ZFAND3: variants seen among roughly 807,000 people sequenced by gnomAD.
The protein encoded by ZFAND3 is zinc finger AN1-type containing 3.
Under a neutral mutation model 29.6 loss-of-function variants are expected in ZFAND3, and 10 were observed. The ratio of observed to expected loss-of-function variants is 0.34; its 90% CI spans 0.21 to 0.57. ZFAND3 has a LOEUF of 0.57. ZFAND3 is among the 20% of genes least tolerant of loss of function. The pLI, the probability that ZFAND3 is intolerant of heterozygous loss-of-function variation, is 0.86. For synonymous variants in ZFAND3, 128 were observed against 112.6 expected (o/e 1.14, Z -0.87); for missense variants, 230 against 304.5 (o/e 0.76, Z 1.82).
rs1765539911 is a variant in ZFAND3, at chr6:37,912,396, G to T, written c.72-17563G>T. ...AATACCTGATGGTTCAGGAAAGTTG[G>T]CGAATATACATATGGCATTTAGCTG... On this transcript the variant is annotated intron_variant, in intron 1 of 5. Coordinates refer to ENST00000287218, the MANE Select transcript of ZFAND3 (RefSeq NM_021943.3). Among the ~76,000 whole-genome samples the T allele has an allele frequency of 3.3e-5, 5 of 152,256 alleles. No homozygotes were observed. In the South Asian group the frequency reaches 1.0e-3, roughly 32 times the overall value.
chr6:38,144,231 A>ATATATATATAATATATATAT (rs1365246829), intron 5 of ZFAND3, among the ~76,000 whole-genome samples: 1 of 75,256 alleles, frequency 1.3e-5, no homozygotes, highest in African/African-American at 4.3e-5. Flanking sequence ...ATATATATAT[A>ATATATATATAATATATATAT]TTTTTTTTTT....
chr6:37,930,042 TTTC>T (rs1761565390), intron 2 of ZFAND3, 43 bp downstream of exon 2: 14 of 1,537,056 alleles, frequency 9.1e-6, no homozygotes, highest in Non-Finnish European at 1.2e-5. Context: ...TTCATTTTTC[TTTC>T]TTTTTTTTTT....
intron 1 of ZFAND3, among the ~76,000 whole-genome samples, chr6:37,856,348 T>C (rs891205314): frequency 1.3e-5 from 2 of 152,242 alleles, no homozygotes; most frequent in Non-Finnish European, 2.9e-5. Context: ...CCTGACTTCA[T>C]GTAGAAGCAT....
chr6:37,990,241 C>T (rs905185353), intron 2 of ZFAND3, among the ~76,000 whole-genome samples: 12 of 152,084 alleles, frequency 7.9e-5, no homozygotes, highest in African/African-American at 1.7e-4. Context: ...GAATCACTGG[C>T]CTAGGGGTTC....
At chr6:37,928,681 AT>A (rs1364987290) in intron 1 of ZFAND3, among the ~76,000 whole-genome samples, 1 of 151,574 alleles carries the variant, frequency 6.6e-6, no homozygotes, top group African/African-American at 2.4e-5. Flanking sequence ...CTCCCAGCTA[AT>A]TTTTTCTATT....
At chr6:37,895,568 A>G (rs1048923968) in intron 1 of ZFAND3, among the ~76,000 whole-genome samples, 2 of 135,256 alleles carry the variant, frequency 1.5e-5, no homozygotes, top group African/African-American at 5.8e-5. Flanking sequence ...GAATACAGTT[A>G]TATTTATTGG....
At chr6:37,932,635 A>G (rs1423367915) in intron 2 of ZFAND3, among the ~76,000 whole-genome samples, 3 of 152,216 alleles carry the variant, frequency 2.0e-5, no homozygotes, top group East Asian at 1.9e-4. Flanking sequence ...GTTCACATCA[A>G]ATACTCCTGA....
At chr6:37,843,114 T>TCC in intron 1 of ZFAND3, among the ~76,000 whole-genome samples, 2 of 144,474 alleles carry the variant, frequency 1.4e-5, no homozygotes, top group East Asian at 2.0e-4. Flanking sequence ...AGAGTGAAAC[T>TCC]GTTTCACAAA....
chr6:38,022,115 G>A (rs896966446), intron 2 of ZFAND3, among the ~76,000 whole-genome samples: 3 of 152,284 alleles, frequency 2.0e-5, no homozygotes. Context: ...CTGAGAGCTT[G>A]TAAGAAATGC....
At chr6:37,974,396 C>CTTTTTTTTT (rs1561952553) in intron 2 of ZFAND3, among the ~76,000 whole-genome samples, 1 of 86,194 alleles carries the variant, frequency 1.2e-5, no homozygotes, top group African/African-American at 4.5e-5. Context: ...CTCTCTCTCT[C>CTTTTTTTTT]TCTCTCTTTT....
intron 1 of ZFAND3, among the ~76,000 whole-genome samples, chr6:37,885,471 C>T (rs1764973106): frequency 6.6e-6 from 1 of 152,016 alleles, no homozygotes; most frequent in African/African-American, 2.4e-5. Context: ...TGGTGAAACC[C>T]CGTTTCTTCT....
At chr6:37,911,541 C>A (rs1451185082) in intron 1 of ZFAND3, among the ~76,000 whole-genome samples, 2 of 152,060 alleles carry the variant, frequency 1.3e-5, no homozygotes, top group Admixed American at 6.6e-5. Flanking sequence ...TATAATCTTT[C>A]CAGATTTATG....
chr6:37,865,668 A>C (rs1764577042), intron 1 of ZFAND3, among the ~76,000 whole-genome samples: 1 of 152,220 alleles, frequency 6.6e-6, no homozygotes, highest in African/African-American at 2.4e-5. Flanking sequence ...TGGACAAAAT[A>C]AATTGACTTC....
At chr6:37,986,005 G>A (rs1404539467) in intron 2 of ZFAND3, among the ~76,000 whole-genome samples, 1 of 152,176 alleles carries the variant, frequency 6.6e-6, no homozygotes, top group Admixed American at 6.5e-5. Flanking sequence ...CAGATAACCA[G>A]CTCTCTCAGG....
intron 1 of ZFAND3, among the ~76,000 whole-genome samples, chr6:37,917,517 T>C (rs1761282149): frequency 6.6e-6 from 1 of 152,232 alleles, no homozygotes; most frequent in Non-Finnish European, 1.5e-5. Flanking sequence ...TCTCTGGTGA[T>C]TGTAGAACAG....
intron 1 of ZFAND3, among the ~76,000 whole-genome samples, chr6:37,833,657 T>C (rs1313325276): frequency 6.6e-6 from 1 of 151,858 alleles, no homozygotes; most frequent in Non-Finnish European, 1.5e-5. Context: ...AAACCTCGTC[T>C]CTACTAAAAA....
intron 2 of ZFAND3, among the ~76,000 whole-genome samples, chr6:37,978,185 T>G (rs965326025): frequency 1.1e-4 from 16 of 152,126 alleles, no homozygotes; most frequent in African/African-American, 3.9e-4. Context: ...TGTAAAATGT[T>G]TTTTCTATGT....
chr6:37,942,328 A>G (rs1446140550), intron 2 of ZFAND3, among the ~76,000 whole-genome samples: 1 of 152,208 alleles, frequency 6.6e-6, no homozygotes, highest in Non-Finnish European at 1.5e-5. Context: ...TGGTTTTACA[A>G]GTTTCTTAAG....
In ZFAND3 at chr6:38,061,687, CAAT is replaced by C; in HGVS notation, c.209_211del (p.Asn70del). The C allele has an allele frequency of 6.2e-7, 1 of 1,614,152 alleles. No homozygotes were observed. The highest frequency in any genetic ancestry group is 8.5e-7 in the Non-Finnish European group (1 of 1,180,020). ...CCGAAGAGACCACCAGTGACAACAA[CAAT>C]ACCTCGATAACCACGCCAACTCTTA... is the stretch of plus-strand genomic sequence containing the variant. On this transcript the variant is annotated inframe_deletion, in exon 3 of 6. Coordinates refer to ENST00000287218, the MANE Select transcript of ZFAND3 (RefSeq NM_021943.3).
Sources: gnomAD v4.1 joint callset for allele counts (sites outside exome capture counted in the v4.1 genomes callset) on GRCh38, gnomAD v4.1.1 for gene constraint, MANE v1.5 for transcripts, NCBI Gene and HGNC (gene_info 2026-07-23, HGNC 2026-07-21) for gene names.